The following CENPP variants were observed in gnomAD, a reference collection of about 807,000 sequenced individuals.
CENPP encodes the protein centromere protein P.
Under a neutral mutation model 35.6 loss-of-function variants are expected in CENPP, and 24 were observed. The ratio of observed to expected loss-of-function variants is 0.67; its 90% CI spans 0.49 to 0.95. The LOEUF (loss-of-function observed/expected upper bound fraction) is 0.95, where lower values mean the gene tolerates loss of function less well. Among genes scored for constraint, CENPP ranks in the 40% least tolerant of loss-of-function variants. The pLI, the probability that CENPP is intolerant of heterozygous loss-of-function variation, is 0.00. For missense variants in CENPP, 332 were observed against 345.3 expected, an observed-to-expected ratio of 0.96 and a Z score of 0.31; for synonymous variants, 120 against 125.5, an observed-to-expected ratio of 0.96 and a Z score of 0.29.
chr9:92,345,280 A>T (rs1238767844), intron 3 of CENPP, among the ~76,000 whole-genome samples: 1 of 150,358 alleles, frequency 6.7e-6, no homozygotes, highest in Non-Finnish European at 1.5e-5. Flanking sequence ...AACAAACGAG[A>T]TTGAGACCAT....
chr9:92,369,568 G>T (rs1350165996), intron 4 of CENPP, among the ~76,000 whole-genome samples: 1 of 152,200 alleles, frequency 6.6e-6, no homozygotes, highest in Non-Finnish European at 1.5e-5. Context: ...GATTGCTTTA[G>T]ACAATATGGT....
At chr9:92,408,517 C>G (rs917737398) in intron 5 of CENPP, among the ~76,000 whole-genome samples, 1 of 152,204 alleles carries the variant, frequency 6.6e-6, no homozygotes, top group African/African-American at 2.4e-5. Context: ...GAACCTTCCC[C>G]TGACCTTGGC....
intron 4 of CENPP, among the ~76,000 whole-genome samples, chr9:92,355,531 G>GA (rs1841567682): frequency 1.3e-5 from 2 of 152,124 alleles, no homozygotes; most frequent in South Asian, 4.1e-4. Context: ...TTATTTGAGA[G>GA]AAAATCAAAC....
rs1408874756 is a variant in CENPP, at chr9:92,615,400, G to C, written c.*2251G>C. 2 of 180,984 alleles carry C rather than the reference G, an allele frequency of 1.1e-5. No homozygotes were observed. Among genetic ancestry groups the C allele is most frequent in the Non-Finnish European group, 2.3e-5 (2 of 85,958 alleles). 11.2% of individuals were successfully genotyped at this position (180,984 alleles called of 1,614,324 possible). A position where few individuals can be genotyped will look rare whatever the true frequency, so the allele number is the denominator to read the frequency against. Reference sequence around the variant, plus strand: ...TGTAACTCAGCTGGGGGAAGTTCCAGTAGTATCCATGTTTTCTTAAAAGTC... The same window carrying C: ...TGTAACTCAGCTGGGGGAAGTTCCACTAGTATCCATGTTTTCTTAAAAGTC... On this transcript the variant is annotated 3_prime_UTR_variant, in exon 8 of 8. Coordinates refer to ENST00000375587, the MANE Select transcript of CENPP (RefSeq NM_001012267.3).
chr9:92,502,772 C>T (rs545209741), intron 5 of CENPP: 7 of 787,976 alleles, frequency 8.9e-6, no homozygotes, highest in East Asian at 3.3e-5. Context: ...AGTCTTACTG[C>T]TCTTTCAAGT....
intron 6 of CENPP, among the ~76,000 whole-genome samples, chr9:92,611,980 C>T (rs536607679): frequency 2.0e-5 from 3 of 152,332 alleles, no homozygotes; most frequent in South Asian, 2.1e-4. Context: ...CCTTTGTCAC[C>T]GTTCACCTCC....
chr9:92,505,522 T>C, intron 5 of CENPP: 1 of 1,578,096 alleles, frequency 6.3e-7, no homozygotes, highest in Non-Finnish European at 8.6e-7. Flanking sequence ...ACTAAAAAAA[T>C]ATATTGTTAC....
At chr9:92,326,954 G>A (rs1840550171) in intron 1 of CENPP, among the ~76,000 whole-genome samples, 1 of 152,166 alleles carries the variant, frequency 6.6e-6, no homozygotes, top group African/African-American at 2.4e-5. Flanking sequence ...AAATGTCTGC[G>A]TGCGGTCATG....
At chr9:92,368,351 T>A (rs1841936653) in intron 4 of CENPP, among the ~76,000 whole-genome samples, 1 of 152,112 alleles carries the variant, frequency 6.6e-6, no homozygotes, top group Admixed American at 6.5e-5. Flanking sequence ...CTGAAAAAAA[T>A]TCAAAATCTG....
chr9:92,515,105 G>C lies in CENPP; in HGVS notation c.565-96209G>C, dbSNP rs1847618618. 6.2e-7 allele frequency: 1 copy of C among 1,613,898 alleles called. No individual in the cohort carries two copies. The highest frequency in any genetic ancestry group is 8.5e-7 in the Non-Finnish European group (1 of 1,180,000). ...ATTCCCACCTGAGGAGGTGGCAGTT[G>C]CTTATGAAGTAAATTGGTAGGTTCT... On this transcript the variant is annotated intron_variant, in intron 5 of 7. Transcript: ENST00000375587.
chr9:92,413,823 C>T (rs954085347), intron 5 of CENPP, among the ~76,000 whole-genome samples: 1 of 152,036 alleles, frequency 6.6e-6, no homozygotes, highest in African/African-American at 2.4e-5. Context: ...AACAGGTGGG[C>T]GTTCTGGTTC....
At chr9:92,563,655 A>G (rs897868232) in intron 5 of CENPP, among the ~76,000 whole-genome samples, 1 of 152,176 alleles carries the variant, frequency 6.6e-6, no homozygotes, top group Non-Finnish European at 1.5e-5. Context: ...CAAACACTCA[A>G]TTATTTTGTT....
intron 5 of CENPP, among the ~76,000 whole-genome samples, chr9:92,595,082 G>C (rs555145506): frequency 1.9e-4 from 29 of 151,980 alleles, no homozygotes; most frequent in Non-Finnish European, 3.5e-4. Flanking sequence ...ATTTTTAGTA[G>C]AGACAGGGTT....
chr9:92,605,128 ACAC>A (rs1851039902), intron 5 of CENPP, among the ~76,000 whole-genome samples: 1 of 152,032 alleles, frequency 6.6e-6, no homozygotes, highest in Non-Finnish European at 1.5e-5. Flanking sequence ...TTATAGGCAC[ACAC>A]CACCACACCT....
chr9:92,525,551 T>A (rs1003380959), intron 5 of CENPP, among the ~76,000 whole-genome samples: 3 of 152,112 alleles, frequency 2.0e-5, no homozygotes, highest in African/African-American at 7.2e-5. Flanking sequence ...ATAATGTTTG[T>A]GGTGATGCTG....
rs760818914 is a variant in CENPP at position 92,457,469 on chromosome 9, G to C, written c.564+77610G>C. Reference sequence around the variant, plus strand: ...TACTCCCACTCTTGCAATTGAATTAGAATGAAGGAAGATTATCTGTTGTAG... The same window carrying C: ...TACTCCCACTCTTGCAATTGAATTACAATGAAGGAAGATTATCTGTTGTAG... On this transcript the variant is annotated intron_variant, in intron 5 of 7. Coordinates refer to ENST00000375587, the MANE Select transcript of CENPP (RefSeq NM_001012267.3). 3 of 1,608,642 alleles carry C rather than the reference G, an allele frequency of 1.9e-6. No homozygotes were observed. In the South Asian group the frequency reaches 3.3e-5, roughly 18 times the overall value.
At chr9:92,579,744 T>C (rs78320244) in intron 5 of CENPP, among the ~76,000 whole-genome samples, 62,014 of 106,864 alleles carry the variant, frequency 0.58, 19,529 homozygotes, top group African/African-American at 0.83. Context: ...ATGTCATCTG[T>C]AAACAGGGAC....
chr9:92,457,374 G>C (rs371868297), intron 5 of CENPP: 1 of 1,613,760 alleles, frequency 6.2e-7, no homozygotes, highest in African/African-American at 1.3e-5. Context: ...TATTTCACCG[G>C]GTTGTTGAAT....
chr9:92,374,494 C>A (rs917055145), intron 4 of CENPP, among the ~76,000 whole-genome samples: 3 of 152,106 alleles, frequency 2.0e-5, no homozygotes, highest in Non-Finnish European at 4.4e-5. Context: ...TACTGGTTAC[C>A]TTGAGAATTA....
Sources: allele counts gnomAD v4.1 joint callset (sites outside exome capture counted in the v4.1 genomes callset), GRCh38; gene constraint gnomAD v4.1.1; transcripts MANE v1.5; gene names NCBI Gene and HGNC (gene_info 2026-07-23, HGNC 2026-07-21).